PFKFB3: variants seen among roughly 807,000 people sequenced by gnomAD.
The protein encoded by PFKFB3 is 6-phosphofructo-2-kinase/fructose-2,6-bisphosphatase 3.
PFKFB3 carries 33 observed loss-of-function variants against 68.0 expected under a neutral mutation model. The observed-to-expected ratio is 0.49, with a 90% CI of 0.37 to 0.65. The LOEUF is 0.65. Ranked by LOEUF, PFKFB3 falls within the 30% of genes least tolerant of loss-of-function variation. PFKFB3 has a pLI of 0.00. For synonymous variants in PFKFB3, 315 were observed against 288.2 expected (o/e 1.09, Z -0.94); for missense variants, 586 against 712.2 (o/e 0.82, Z 2.02).
intron 14 of PFKFB3, among the ~76,000 whole-genome samples, chr10:6,247,180 C>T (rs975760238): frequency 3.3e-5 from 5 of 152,194 alleles, no homozygotes; most frequent in South Asian, 2.1e-4. Flanking sequence ...TGTTAGGATA[C>T]GTCACGGTGG....
At chr10:6,180,750 C>T (rs139416799) in intron 1 of PFKFB3, among the ~76,000 whole-genome samples, 62 of 152,290 alleles carry the variant, frequency 4.1e-4, no homozygotes, top group African/African-American at 1.5e-3. Flanking sequence ...AGGTGCAAGC[C>T]ACCGTGCCCT....
intron 11 of PFKFB3, 131 bp downstream of exon 11, chr10:6,223,115 C>A (rs1297130886): frequency 2.3e-6 from 2 of 870,416 alleles, no homozygotes; most frequent in African/African-American, 3.4e-5. Flanking sequence ...GAGAAGGGCA[C>A]AGGTGTCGGC....
the PFKFB3 span, among the ~76,000 whole-genome samples, chr10:6,315,301 C>G: frequency 6.6e-6 from 1 of 152,152 alleles, no homozygotes; most frequent in Non-Finnish European, 1.5e-5. Flanking sequence ...AGGTCCAGAT[C>G]CAGACCCCAA....
chr10:6,312,416 A>C, the PFKFB3 span, among the ~76,000 whole-genome samples: 123 of 152,232 alleles, frequency 8.1e-4, no homozygotes, highest in Non-Finnish European at 3.7e-4. Flanking sequence ...TTTCAGCTCT[A>C]ATGAAATACC....
At chr10:6,265,292 G>A in the PFKFB3 span, among the ~76,000 whole-genome samples, 1 of 151,962 alleles carries the variant, frequency 6.6e-6, no homozygotes, top group South Asian at 2.1e-4. Flanking sequence ...TGTTGGCCAG[G>A]CTGGTCTCAA....
chr10:6,192,366 C>CTTTT (rs149846128), intron 1 of PFKFB3, among the ~76,000 whole-genome samples: 1 of 113,068 alleles, frequency 8.8e-6, no homozygotes, highest in Admixed American at 1.0e-4. Context: ...TTTCTTTCTT[C>CTTTT]TTTTTTTTTT....
chr10:6,270,001 G>A, the PFKFB3 span, among the ~76,000 whole-genome samples: 1 of 151,984 alleles, frequency 6.6e-6, no homozygotes, highest in South Asian at 2.1e-4. Flanking sequence ...GTGTGGTGGT[G>A]TGCACGTGTA....
At chr10:6,204,130 C>A (rs1211082243) in intron 1 of PFKFB3, among the ~76,000 whole-genome samples, 3 of 152,272 alleles carry the variant, frequency 2.0e-5, no homozygotes, top group Non-Finnish European at 4.4e-5. Context: ...CGGTCGCCGC[C>A]CCCGCCACCA....
the PFKFB3 span, among the ~76,000 whole-genome samples, chr10:6,277,050 A>T: frequency 6.6e-6 from 1 of 151,650 alleles, no homozygotes; most frequent in Non-Finnish European, 1.5e-5. Context: ...CATTGCTGTA[A>T]TTTTGTCATT....
the PFKFB3 span, among the ~76,000 whole-genome samples, chr10:6,298,264 C>G: frequency 6.6e-6 from 1 of 152,200 alleles, no homozygotes; most frequent in South Asian, 2.1e-4. Context: ...CTAGGGTAAC[C>G]TCGGATTACC....
chr10:6,308,497 CAGAG>C, the PFKFB3 span, among the ~76,000 whole-genome samples: 6 of 152,170 alleles, frequency 3.9e-5, no homozygotes, highest in African/African-American at 1.4e-4. Context: ...GCCTGGGTGA[CAGAG>C]AGAGACTCTG....
chr10:6,205,578 A>T (rs1366448775), intron 1 of PFKFB3, among the ~76,000 whole-genome samples: 1 of 151,584 alleles, frequency 6.6e-6, no homozygotes, highest in Non-Finnish European at 1.5e-5. Flanking sequence ...TTTTTAGTAA[A>T]GACGGGGTTT....
At chr10:6,175,631 G>C (rs1021386006) in intron 1 of PFKFB3, among the ~76,000 whole-genome samples, 2 of 152,192 alleles carry the variant, frequency 1.3e-5, no homozygotes, top group Admixed American at 6.5e-5. Context: ...AGTCACTGTA[G>C]AGAAAGACAA....
At chr10:6,252,999 G>C (rs1846413734) in intron 14 of PFKFB3, among the ~76,000 whole-genome samples, 1 of 152,086 alleles carries the variant, frequency 6.6e-6, no homozygotes, top group Non-Finnish European at 1.5e-5. Context: ...GCTCACTGCA[G>C]CCTCCACCTC....
the PFKFB3 span, among the ~76,000 whole-genome samples, chr10:6,302,787 CATACACAT>C: frequency 7.6e-5 from 10 of 131,692 alleles, no homozygotes; most frequent in African/African-American, 2.5e-4. Flanking sequence ...CACATATACA[CATACACAT>C]ATATATATAT....
chr10:6,190,807 C>G (rs757466268), intron 1 of PFKFB3, among the ~76,000 whole-genome samples: 13 of 152,138 alleles, frequency 8.5e-5, no homozygotes, highest in African/African-American at 9.7e-5. Flanking sequence ...GAGATAGGGT[C>G]TTGCTCTGTC....
chr10:6,172,204 G>T (rs970003920), intron 1 of PFKFB3, among the ~76,000 whole-genome samples: 1 of 152,232 alleles, frequency 6.6e-6, no homozygotes, highest in Non-Finnish European at 1.5e-5. Context: ...TTGCTTCTTG[G>T]TCCCATGGCT....
chr10:6,167,973 A>G (rs1437545141), intron 1 of PFKFB3, among the ~76,000 whole-genome samples: 1 of 152,172 alleles, frequency 6.6e-6, no homozygotes, highest in Non-Finnish European at 1.5e-5. Context: ...TTTCTAGGTC[A>G]CATCCTCAGC....
At chr10:6,225,228 G>C (rs1445219048) in intron 13 of PFKFB3, 8 of 456,110 alleles carry the variant, frequency 1.8e-5, no homozygotes, top group Non-Finnish European at 3.1e-5. Context: ...GTGACTTTCT[G>C]TCATGGCGTT....
Sources: allele counts gnomAD v4.1 joint callset (sites outside exome capture counted in the v4.1 genomes callset), GRCh38; gene constraint gnomAD v4.1.1; transcripts MANE v1.5; gene names NCBI Gene and HGNC (gene_info 2026-07-23, HGNC 2026-07-21).